Variants in KAZN observed in about 807,000 individuals in gnomAD.
KAZN encodes the protein kazrin.
Under a neutral mutation model 87.4 loss-of-function variants are expected in KAZN, and 40 were observed. The ratio of observed to expected loss-of-function variants is 0.46; its 90% confidence interval spans 0.36 to 0.60. KAZN has a LOEUF of 0.60. KAZN is among the 20% of genes least tolerant of loss of function. The pLI is 0.00. For synonymous variants in KAZN, 466 were observed against 458.3 expected, an observed-to-expected ratio of 1.02 and a Z score of -0.22; for missense variants, 898 against 1,073.9, an observed-to-expected ratio of 0.84 and a Z score of 2.29.
intron 2 of KAZN, among the ~76,000 whole-genome samples, chr1:14,375,683 G>A (rs747419829): frequency 1.8e-4 from 28 of 152,210 alleles, no homozygotes; most frequent in African/African-American, 2.6e-4. Context: ...TCAGGAGATC[G>A]AGACCATCCT....
rs1399111557 is a variant in KAZN, at chr1:14,408,946, G to C, written c.250-190037G>C. 2.0e-5 allele frequency among the ~76,000 whole-genome samples: 3 copies of C among 152,146 alleles called. No individual in the cohort carries two copies. In the East Asian group the frequency reaches 5.8e-4, roughly 29 times the overall value. On this transcript the variant is annotated intron_variant, in intron 2 of 16. Coordinates refer to the KAZN transcript ENST00000636203. ...GTTTTATGGAGATGGGGTCAGGAAG[G>C]ATCTTGCAGAGGATATTTAAGATGA...
chr1:14,486,860 G>A (rs1316959517), intron 2 of KAZN, among the ~76,000 whole-genome samples: 1 of 152,178 alleles, frequency 6.6e-6, no homozygotes, highest in Non-Finnish European at 1.5e-5. Context: ...CCATCGGTTT[G>A]ACCTCGAGCC....
At chr1:14,867,047 G>A in intron 1 of KAZN, among the ~76,000 whole-genome samples, 1 of 152,264 alleles carries the variant, frequency 6.6e-6, no homozygotes. Context: ...CTCCCTGATG[G>A]ACTGCTGACC....
At chr1:14,409,183 C>G (rs566557045) in intron 2 of KAZN, among the ~76,000 whole-genome samples, 88 of 152,228 alleles carry the variant, frequency 5.8e-4, no homozygotes, top group African/African-American at 2.1e-3. Context: ...GTTTTAAATG[C>G]ATAGATGAGC....
intron 1 of KAZN, among the ~76,000 whole-genome samples, chr1:14,853,678 G>A (rs147004908): frequency 6.6e-6 from 1 of 152,266 alleles, no homozygotes; most frequent in African/African-American, 2.4e-5. Context: ...CTTAGTGATA[G>A]CCCCAGGCTC....
At position 14,062,399 on chromosome 1, in the gene KAZN, T is replaced by C. The variant is rs182023620; in HGVS notation, c.92-118036T>C. On this transcript the variant is annotated intron_variant, in intron 1 of 16. Transcript: ENST00000636203. ...ACACTGTGCAAAAGAGGGTTTTCAG[T>C]TTCCCACTGAGATCTTAAACTTAGG... 2.0e-5 allele frequency among the ~76,000 whole-genome samples: 3 copies of C among 152,292 alleles called. No homozygotes were observed. The East Asian group carries it at 5.8e-4, about 29-fold the overall frequency.
intron 3 of KAZN, among the ~76,000 whole-genome samples, chr1:15,038,933 G>A (rs1573142078): frequency 6.6e-6 from 1 of 150,436 alleles, no homozygotes; most frequent in Non-Finnish European, 1.5e-5. Context: ...TGCACCTACT[G>A]TATACAGACA....
intron 1 of KAZN, among the ~76,000 whole-genome samples, chr1:14,937,144 G>A (rs1333826519): frequency 6.6e-6 from 1 of 152,170 alleles, no homozygotes; most frequent in Non-Finnish European, 1.5e-5. Context: ...CCATCTGCAA[G>A]TGTCACCCAG....
At chr1:14,039,810 A>G (rs913489005) in intron 1 of KAZN, among the ~76,000 whole-genome samples, 1 of 152,216 alleles carries the variant, frequency 6.6e-6, no homozygotes, top group Admixed American at 6.5e-5. Context: ...CACAGGGGAA[A>G]GGAGCACAGA....
At position 14,556,275 on chromosome 1, in the gene KAZN, A is replaced by G. The variant is rs1673867605; in HGVS notation, c.250-42708A>G. On this transcript the variant is annotated intron_variant, in intron 2 of 16. Coordinates refer to the KAZN transcript ENST00000636203. The stretch of plus-strand genomic sequence containing the variant: ...CAGGTACCCACCACCACACCCGGCT[A>G]ATTTTTTGTGTTTTTAGTAGAGACA... 2.6e-5 allele frequency among the ~76,000 whole-genome samples: 4 copies of G among 151,914 alleles called. No homozygotes were observed. In the South Asian group the frequency reaches 8.3e-4, roughly 32 times the overall value.
chr1:15,081,548 G>A lies in KAZN; in HGVS notation c.1223-12632G>A, dbSNP rs1640003558. Among the ~76,000 whole-genome samples the A allele has an allele frequency of 6.6e-6, 1 of 151,432 alleles. No individual in the cohort carries two copies. The highest frequency in any genetic ancestry group is 2.4e-5 in the African/African-American group (1 of 41,212). Reference sequence around the variant, plus strand: ...AGATGTCATGCAGGAAAGGTTCCAGGAATTAATGACAGCGTGTGTGTGTGT... The same window carrying A: ...AGATGTCATGCAGGAAAGGTTCCAGAAATTAATGACAGCGTGTGTGTGTGT... On this transcript the variant is annotated intron_variant, in intron 8 of 14. Transcript: ENST00000376030. The surrounding 1 kb of genome is among the most constrained non-coding windows in gnomAD (Gnocchi z 4.1).
At chr1:14,640,438 A>G (rs911138884) in intron 1 of KAZN, among the ~76,000 whole-genome samples, 27 of 152,182 alleles carry the variant, frequency 1.8e-4, no homozygotes, top group African/African-American at 6.0e-4. Context: ...GTCCCAGGGC[A>G]GTGGGTATTC....
At chr1:14,860,282 C>T (rs1349726488) in intron 1 of KAZN, among the ~76,000 whole-genome samples, 1 of 152,104 alleles carries the variant, frequency 6.6e-6, no homozygotes, top group Non-Finnish European at 1.5e-5. Context: ...ACCTCCACCT[C>T]CCAGGTTCAA....
chr1:14,781,561 A>G (rs1645350343), intron 1 of KAZN, among the ~76,000 whole-genome samples: 1 of 152,222 alleles, frequency 6.6e-6, no homozygotes, highest in African/African-American at 2.4e-5. Flanking sequence ...GCAAATGAAG[A>G]TGTTGAAAAC....
chr1:14,539,383 A>G (rs1051074212), intron 2 of KAZN, among the ~76,000 whole-genome samples: 7 of 152,190 alleles, frequency 4.6e-5, no homozygotes, highest in African/African-American at 1.2e-4. Flanking sequence ...ACATTTTTGG[A>G]AGAACTGATG....
chr1:14,856,832 T>A lies in KAZN; in HGVS notation c.227-103852T>A, dbSNP rs1464548049. 6.6e-6 allele frequency among the ~76,000 whole-genome samples: 1 copy of A among 152,186 alleles called. No individual in the cohort carries two copies. The highest frequency in any genetic ancestry group is 1.5e-5 in the Non-Finnish European group (1 of 68,032). On this transcript the variant is annotated intron_variant, in intron 1 of 14. Transcript: ENST00000376030. This position sits in a 1 kb window ranked among gnomAD's most constrained non-coding sequence, Gnocchi z 5.2. ...TTGCAATTCAATCGGAACTCAGACT[T>A]TTTTCCTCTGTTGTCATCCTTTGAT...
intron 1 of KAZN, among the ~76,000 whole-genome samples, chr1:13,976,235 T>G (rs984558081): frequency 6.6e-6 from 1 of 152,232 alleles, no homozygotes; most frequent in African/African-American, 2.4e-5. Flanking sequence ...ACTTTCCAAA[T>G]GCATCCATGC....
intron 1 of KAZN, among the ~76,000 whole-genome samples, chr1:13,973,335 G>T (rs1206033628): frequency 6.6e-6 from 1 of 152,140 alleles, no homozygotes; most frequent in Non-Finnish European, 1.5e-5. Context: ...TTCCCTAGGA[G>T]GCTGACCCCT....
rs142794815 is a variant in KAZN at position 14,664,085 on chromosome 1, T to A, written c.226+64862T>A. 3.8e-3 allele frequency among the ~76,000 whole-genome samples: 581 copies of A among 152,330 alleles called. 4 individuals carry two copies. The highest frequency in any genetic ancestry group is 0.013 in the African/African-American group (560 of 41,568). ...AAGCATCCCAAAAAGACAAATATTA[T>A]ATGATTCCACCTATATGAGGTAGTT... On this transcript the variant is annotated intron_variant, in intron 1 of 14. Coordinates refer to ENST00000376030, the MANE Select transcript of KAZN (RefSeq NM_201628.3).
Sources: gnomAD v4.1 joint callset for allele counts (sites outside exome capture counted in the v4.1 genomes callset) on GRCh38, gnomAD v4.1.1 for gene constraint, Gnocchi (gnomAD v3.1) non-coding constraint, MANE v1.5 for transcripts, NCBI Gene and HGNC (gene_info 2026-07-23, HGNC 2026-07-21) for gene names.